Variants in METTL25 observed in about 807,000 individuals in gnomAD.
The protein encoded by METTL25 is probable methyltransferase-like protein 25.
A neutral mutation model predicts 71.6 loss-of-function variants in METTL25; 64 were observed. The observed-to-expected ratio is 0.89, with a 90% confidence interval of 0.73 to 1.10. METTL25 has a LOEUF of 1.10. Among genes scored for constraint, METTL25 ranks in the 50% least tolerant of loss-of-function variants. The pLI is 0.00. For synonymous variants in METTL25, 287 were observed against 250.3 expected (o/e 1.15, Z -1.38); for missense variants, 807 against 707.0 (o/e 1.14, Z -1.60).
chr12:82,475,105 C>G (rs1364360956), intron 9 of METTL25, among the ~76,000 whole-genome samples: 1 of 152,110 alleles, frequency 6.6e-6, no homozygotes, highest in Admixed American at 6.6e-5. Context: ...ATGGAGCACC[C>G]AAGAAATCAT....
rs983603887 is a variant in METTL25 at position 82,401,526 on chromosome 12, A to G, written c.1132-1457A>G. 3.3e-5 allele frequency among the ~76,000 whole-genome samples: 5 copies of G among 152,042 alleles called. No individual in the cohort carries two copies. The South Asian group carries it at 1.0e-3, about 31-fold the overall frequency. On this transcript the variant is annotated intron_variant, in intron 4 of 11. Transcript: ENST00000248306. ...ATCAGTTTCCTCAATTTGCTTTCCA[A>G]ATCACACTGTGACAGAACTTGAATT...
At chr12:82,395,027 A>G (rs142492363) in intron 3 of METTL25, among the ~76,000 whole-genome samples, 292 of 151,982 alleles carry the variant, frequency 1.9e-3, no homozygotes, top group Middle Eastern at 0.017. Flanking sequence ...TTAAGTTGCA[A>G]TGTCTTGGAA....
chr12:82,400,404 T>A (rs1886505362), intron 4 of METTL25, among the ~76,000 whole-genome samples: 1 of 152,004 alleles, frequency 6.6e-6, no homozygotes, highest in Admixed American at 6.6e-5. Flanking sequence ...TAAATTTAAA[T>A]CCTTGTTTGA....
At chr12:82,378,746 G>A (rs1884137410) in intron 1 of METTL25, among the ~76,000 whole-genome samples, 1 of 152,124 alleles carries the variant, frequency 6.6e-6, no homozygotes, top group Admixed American at 6.6e-5. Context: ...AAACAAACTG[G>A]CCAGGTGCAA....
At chr12:82,364,756 G>A (rs993236113) in intron 1 of METTL25, among the ~76,000 whole-genome samples, 2 of 152,198 alleles carry the variant, frequency 1.3e-5, no homozygotes, top group African/African-American at 4.8e-5. Context: ...GATTGGTAGT[G>A]ATGGTATAAT....
At position 82,377,011 on chromosome 12, in the gene METTL25, G is replaced by T. The variant is rs139913311; in HGVS notation, c.260-9792G>T. Among the ~76,000 whole-genome samples, 551 of 152,058 alleles carry T rather than the reference G, an allele frequency of 3.6e-3. 1 individual carries two copies. Among genetic ancestry groups the T allele is most frequent in the African/African-American group, 0.013 (528 of 41,476 alleles). ...ACCTGTAATCCCAGCTACTTGGGAG[G>T]CTGAGTCAGGAGACTCTCTTGAACC... On this transcript the variant is annotated intron_variant, in intron 1 of 11. Transcript: ENST00000248306.
chr12:82,362,846 A>G (rs1882106615), intron 1 of METTL25, among the ~76,000 whole-genome samples: 1 of 152,250 alleles, frequency 6.6e-6, no homozygotes, highest in Admixed American at 6.5e-5. Context: ...TCCCCTGCAG[A>G]TAACAATGAT....
chr12:82,385,150 A>C (rs4550282), intron 1 of METTL25, among the ~76,000 whole-genome samples: 151,716 of 152,220 alleles, frequency 1, 75,609 homozygotes, highest in Middle Eastern at 1. Context: ...AGGTATATAT[A>C]TCTGCTGATT....
At chr12:82,372,632 G>A (rs192561625) in intron 1 of METTL25, among the ~76,000 whole-genome samples, 2 of 152,246 alleles carry the variant, frequency 1.3e-5, no homozygotes, top group African/African-American at 4.8e-5. Context: ...GAATATTGGG[G>A]CCAGGCCATA....
intron 5 of METTL25, among the ~76,000 whole-genome samples, chr12:82,414,294 A>T (rs908346095): frequency 6.6e-6 from 1 of 152,210 alleles, no homozygotes; most frequent in Admixed American, 6.6e-5. Context: ...TGTACTTGGC[A>T]TTCTGTGCAC....
chr12:82,407,900 A>G lies in METTL25; in HGVS notation c.1279+4770A>G, dbSNP rs1887227162. On this transcript the variant is annotated intron_variant, in intron 5 of 11. Coordinates refer to ENST00000248306, the MANE Select transcript of METTL25 (RefSeq NM_032230.3). ...ACATACTCCCTTTTCTCTTTCCAAC[A>G]CTCCATCTCCATTTTTCTCACTGTA... 3.0e-6 allele frequency: 3 copies of G among 984,630 alleles called. No individual in the cohort carries two copies. The South Asian group carries it at 1.4e-4, about 46-fold the overall frequency. The allele number at this position is 984,630 out of a possible 1,614,324, so 61.0% of individuals were successfully genotyped here.
chr12:82,450,287 A>G (rs923894832), intron 8 of METTL25, among the ~76,000 whole-genome samples: 1 of 152,034 alleles, frequency 6.6e-6, no homozygotes, highest in Admixed American at 6.6e-5. Context: ...AATGACAATC[A>G]TATTCTTCCA....
At chr12:82,359,048 T>G in intron 1 of METTL25, 1 of 599,510 alleles carries the variant, frequency 1.7e-6, no homozygotes, top group Non-Finnish European at 3.0e-6. Context: ...GTCCACAATT[T>G]AAAGAAAGCA....
chr12:82,449,312 A>G (rs1192848156), intron 8 of METTL25, among the ~76,000 whole-genome samples: 1 of 152,218 alleles, frequency 6.6e-6, no homozygotes, highest in Non-Finnish European at 1.5e-5. Flanking sequence ...CTAAACTATT[A>G]TTGTGGCATT....
chr12:82,395,504 G>A (rs1362548159), intron 3 of METTL25, among the ~76,000 whole-genome samples: 1 of 152,040 alleles, frequency 6.6e-6, no homozygotes, highest in East Asian at 1.9e-4. Context: ...TAGCTTATGA[G>A]AGACAGAAGG....
chr12:82,427,486 A>G (rs1052063889), intron 5 of METTL25, among the ~76,000 whole-genome samples: 4 of 151,802 alleles, frequency 2.6e-5, no homozygotes, highest in African/African-American at 9.7e-5. Context: ...TCTAATGTTA[A>G]GTAGTATTTT....
intron 1 of METTL25, among the ~76,000 whole-genome samples, chr12:82,359,265 C>T (rs904145844): frequency 6.7e-6 from 1 of 149,350 alleles, no homozygotes; most frequent in Admixed American, 6.7e-5. Flanking sequence ...AAGGAGGCTG[C>T]CTCAATTTAG....
intron 9 of METTL25, among the ~76,000 whole-genome samples, chr12:82,459,637 A>G (rs138605888): frequency 1.6e-3 from 240 of 152,320 alleles, no homozygotes; most frequent in African/African-American, 5.6e-3. Flanking sequence ...CAAGAAAAGA[A>G]AAACAAACAA....
chr12:82,465,470 A>G (rs906292941), intron 9 of METTL25, among the ~76,000 whole-genome samples: 4 of 151,780 alleles, frequency 2.6e-5, no homozygotes, highest in Non-Finnish European at 5.9e-5. Context: ...ATAGTGTGTT[A>G]TCTTTGATAT....
Sources: allele counts gnomAD v4.1 joint callset (sites outside exome capture counted in the v4.1 genomes callset), GRCh38; gene constraint gnomAD v4.1.1; transcripts MANE v1.5; gene names NCBI Gene and HGNC (gene_info 2026-07-23, HGNC 2026-07-21).